SHANK2: variants seen among roughly 807,000 people sequenced by gnomAD.
SHANK2 encodes the protein SH3 and multiple ankyrin repeat domains protein 2.
SHANK2 carries 43 observed loss-of-function variants against 133.7 expected under a neutral mutation model. The ratio of observed to expected loss-of-function variants is 0.32; its 90% confidence interval spans 0.25 to 0.41. The LOEUF (loss-of-function observed/expected upper bound fraction) is 0.41, where lower values mean the gene tolerates loss of function less well. Among genes scored for constraint, SHANK2 ranks in the 10% least tolerant of loss-of-function variants. SHANK2 has a pLI of 1.00. For missense variants in SHANK2, 1,994 were observed against 2,235.8 expected, an observed-to-expected ratio of 0.89 and a Z score of 2.18; for synonymous variants, 1,017 against 952.8, an observed-to-expected ratio of 1.07 and a Z score of -1.24.
chr11:70,754,024 C>T (rs149882279), intron 14 of SHANK2, among the ~76,000 whole-genome samples: 13 of 152,310 alleles, frequency 8.5e-5, no homozygotes, highest in African/African-American at 3.1e-4. Context: ...GTTGGCTAGG[C>T]TTGTCTTGAA....
intron 17 of SHANK2, among the ~76,000 whole-genome samples, chr11:70,570,226 C>G (rs558366254): frequency 6.6e-6 from 1 of 152,306 alleles, no homozygotes; most frequent in African/African-American, 2.4e-5. Context: ...GGAGTCCTGC[C>G]CCTTTGAAGC....
chr11:71,147,120 C>T lies in SHANK2; in HGVS notation c.207G>A (p.Thr69=), dbSNP rs1269420461. 1.9e-6 allele frequency: 3 copies of T among 1,545,682 alleles called. No individual in the cohort carries two copies. Among genetic ancestry groups the T allele is most frequent in the East Asian group, 2.4e-5 (1 of 40,872 alleles). The change falls in exon 3 of 26, where the codon ACG becomes ACA. Residue 69 remains threonine, a splice_region_variant and synonymous_variant. Coordinates refer to ENST00000601538, the MANE Select transcript of SHANK2 (RefSeq NM_012309.5). ...IRVVIHDLQQ[T]KCIRFNPDAT... The stretch of plus-strand genomic sequence containing the variant: ...CCAAAGGGCAGACCACGGGGCTCAC[C>T]GTCTGCTGCAGGTCATGGATGACCA...
chr11:70,713,760 A>C (rs1945848156), intron 14 of SHANK2, among the ~76,000 whole-genome samples: 1 of 152,144 alleles, frequency 6.6e-6, no homozygotes, highest in South Asian at 2.1e-4. Flanking sequence ...CTTTTCCACC[A>C]TCCGTCATGC....
intron 2 of SHANK2, among the ~76,000 whole-genome samples, chr11:71,176,971 G>T (rs1953458984): frequency 6.6e-6 from 1 of 152,162 alleles, no homozygotes; most frequent in African/African-American, 2.4e-5. Flanking sequence ...GCAGACTAGG[G>T]AAGGGAGACA....
chr11:71,059,110 G>T lies in SHANK2; in HGVS notation c.1030-2552C>A, dbSNP rs981500543. 2.6e-5 allele frequency among the ~76,000 whole-genome samples: 4 copies of T among 152,296 alleles called. No individual in the cohort carries two copies. The East Asian group carries it at 7.7e-4, about 29-fold the overall frequency. ...CAGGTGCCTGTAATCCCAGCTACTC[G>T]GGAGGCTGAGGCAGGAGAATCACTT... On this transcript the variant is annotated intron_variant, in intron 9 of 25. Transcript: ENST00000601538.
chr11:70,850,687 A>G (rs1949072627), intron 11 of SHANK2, among the ~76,000 whole-genome samples: 1 of 152,122 alleles, frequency 6.6e-6, no homozygotes, highest in African/African-American at 2.4e-5. Context: ...TCCTGGGGAG[A>G]GTAACTTATG....
At chr11:71,134,214 C>T (rs1217648394) in intron 3 of SHANK2, among the ~76,000 whole-genome samples, 6 of 151,136 alleles carry the variant, frequency 4.0e-5, no homozygotes, top group African/African-American at 1.2e-4. Context: ...TCTCAGTCCA[C>T]GTGCGGTGCC....
At chr11:70,666,325 G>A (rs1340387135) in intron 15 of SHANK2, among the ~76,000 whole-genome samples, 1 of 152,130 alleles carries the variant, frequency 6.6e-6, no homozygotes, top group Non-Finnish European at 1.5e-5. Flanking sequence ...TCCTTGAAAG[G>A]AGCTGCAGTC....
In SHANK2 at chr11:70,529,162, T is replaced by C. The variant is rs563077161; in HGVS notation, c.2062-26231A>G. ...ACACCAGGCCAGGACCAGTGTCTCA[T>C]GTGGCACCAGCTCAGGACCCATGTC... On this transcript the variant is annotated intron_variant, in intron 17 of 25. Transcript: ENST00000601538. 4.6e-5 allele frequency among the ~76,000 whole-genome samples: 7 copies of C among 152,232 alleles called. No individual in the cohort carries two copies. The East Asian group carries it at 1.4e-3, about 29-fold the overall frequency.
chr11:71,183,761 A>G (rs1055604858), intron 2 of SHANK2, among the ~76,000 whole-genome samples: 1 of 152,144 alleles, frequency 6.6e-6, no homozygotes, highest in Non-Finnish European at 1.5e-5. Flanking sequence ...GAGGAGCTCC[A>G]GCTTTTAGGG....
intron 14 of SHANK2, among the ~76,000 whole-genome samples, chr11:70,767,781 C>T (rs1555041739): frequency 6.6e-6 from 1 of 151,942 alleles, no homozygotes; most frequent in Non-Finnish European, 1.5e-5. Context: ...AGTGACAATT[C>T]ACAACTCCAG....
chr11:70,830,891 C>T lies in SHANK2; in HGVS notation c.1175-10209G>A, dbSNP rs1393028827. On this transcript the variant is annotated intron_variant, in intron 11 of 25. Transcript: ENST00000601538. The surrounding 1 kb of genome is among the most constrained non-coding windows in gnomAD (Gnocchi z 4.4). ...CCACATAGGTTTCCACGCATTGGAGCCCAAATGCCCACAGCATGGCTGAGC... is the reference window on the plus strand; with the variant it reads ...CCACATAGGTTTCCACGCATTGGAGTCCAAATGCCCACAGCATGGCTGAGC... Among the ~76,000 whole-genome samples, 1 of 152,192 alleles carries T rather than the reference C, an allele frequency of 6.6e-6. No individual in the cohort carries two copies. The highest frequency in any genetic ancestry group is 2.4e-5 in the African/African-American group (1 of 41,444).
intron 11 of SHANK2, among the ~76,000 whole-genome samples, chr11:70,828,411 C>A (rs1850695512): frequency 6.6e-6 from 1 of 152,252 alleles, no homozygotes; most frequent in Non-Finnish European, 1.5e-5. Context: ...GCATCACCGA[C>A]TCATAAAACT....
intron 21 of SHANK2, among the ~76,000 whole-genome samples, chr11:70,493,518 C>T (rs925978715): frequency 6.7e-5 from 10 of 149,170 alleles, no homozygotes; most frequent in African/African-American, 9.9e-5. Flanking sequence ...GCTCTCCTGA[C>T]GCCTTAGCTT....
In SHANK2 at chr11:71,119,014, G is replaced by T. The variant is rs1555100974; in HGVS notation, c.226C>A (p.Pro76Thr). Residue 76 changes from proline (P) to threonine (T), a missense_variant, in exon 4 of 26, where the codon CCG becomes ACG. Transcript: ENST00000601538. ...TTTGCAACCCACACTGTGGCATCCGGGTTAAATCGAATGCATTTCTGCCAG... is the reference window on the plus strand; with the variant it reads ...TTTGCAACCCACACTGTGGCATCCGTGTTAAATCGAATGCATTTCTGCCAG... ...LQQTKCIRFNPDATVWVAKQR... is the reference protein window; with the variant it reads ...LQQTKCIRFNTDATVWVAKQR... The T allele has an allele frequency of 6.4e-7, 1 of 1,551,652 alleles. No homozygotes were observed. The highest frequency in any genetic ancestry group is 2.4e-5 in the East Asian group (1 of 40,922).
intron 23 of SHANK2, chr11:70,489,781 G>A (rs2058859275): frequency 3.6e-6 from 1 of 280,156 alleles, no homozygotes; most frequent in African/African-American, 2.2e-5. Flanking sequence ...GTGACATTAA[G>A]AAGAAAGGAA....
At chr11:70,799,089 C>T (rs7113457) in intron 13 of SHANK2, among the ~76,000 whole-genome samples, 2,260 of 152,210 alleles carry the variant, frequency 0.015, 61 homozygotes, top group African/African-American at 0.052. Context: ...TCTAAACAAG[C>T]GTGCGGAAGG....
At chr11:70,478,803 T>C (rs1161423994) in intron 25 of SHANK2, among the ~76,000 whole-genome samples, 2 of 152,198 alleles carry the variant, frequency 1.3e-5, no homozygotes, top group East Asian at 1.9e-4. Flanking sequence ...ATGGATAATA[T>C]ATCCTTTTCC....
chr11:70,633,029 C>A (rs1555002779), intron 17 of SHANK2, among the ~76,000 whole-genome samples: 1 of 151,978 alleles, frequency 6.6e-6, no homozygotes, highest in African/African-American at 2.4e-5. Context: ...GATCCCCAGA[C>A]CTGGGCATGA....
Sources: allele counts gnomAD v4.1 joint callset (sites outside exome capture counted in the v4.1 genomes callset), GRCh38; gene constraint gnomAD v4.1.1; non-coding constraint Gnocchi (gnomAD v3.1); transcripts MANE v1.5; gene names NCBI Gene and HGNC (gene_info 2026-07-23, HGNC 2026-07-21).